ZNF487: variants seen among roughly 807,000 people sequenced by gnomAD.
ZNF487 encodes the protein zinc finger protein 487.
A neutral mutation model predicts 3.0 loss-of-function variants in ZNF487; 4 were observed. The observed-to-expected ratio is 1.35, with a 90% CI of 0.66 to 3.08. ZNF487 has a LOEUF of 3.08. ZNF487 is among the 30% of genes most tolerant of loss of function. ZNF487 has a pLI of 0.01. For missense variants in ZNF487, 146 were observed against 98.7 expected (o/e 1.48, Z -2.03); for synonymous variants, 55 against 34.6 (o/e 1.59, Z -2.06).
the ZNF487 span, among the ~76,000 whole-genome samples, chr10:43,496,740 C>T: frequency 1.3e-5 from 2 of 152,114 alleles, no homozygotes; most frequent in Non-Finnish European, 2.9e-5. Flanking sequence ...TGGTCAGGTT[C>T]TGGTGAGGGC....
chr10:43,511,945 C>G, the ZNF487 span, among the ~76,000 whole-genome samples: 2 of 152,158 alleles, frequency 1.3e-5, no homozygotes, highest in Non-Finnish European at 2.9e-5. Flanking sequence ...ATGCTTCTTC[C>G]AAGTCCCTGA....
chr10:43,441,361 G>A (rs1839602085), intron 1 of ZNF487, among the ~76,000 whole-genome samples: 1 of 151,962 alleles, frequency 6.6e-6, no homozygotes, highest in Non-Finnish European at 1.5e-5. Context: ...CGCCTCCCGG[G>A]TTCCAGCAAT....
intron 1 of ZNF487, among the ~76,000 whole-genome samples, chr10:43,438,625 G>A (rs1456811718): frequency 1.3e-5 from 2 of 151,162 alleles, no homozygotes; most frequent in African/African-American, 2.4e-5. Context: ...CCACTTCTGG[G>A]TCTGAATCCA....
chr10:43,515,053 C>A, the ZNF487 span, among the ~76,000 whole-genome samples: 2 of 152,230 alleles, frequency 1.3e-5, no homozygotes, highest in African/African-American at 4.8e-5. Context: ...TTTTAACTAC[C>A]CAAGTGGCAA....
chr10:43,478,938 G>T (rs1368421344), intron 3 of ZNF487, among the ~76,000 whole-genome samples: 1 of 146,282 alleles, frequency 6.8e-6, no homozygotes, highest in Non-Finnish European at 1.5e-5. Flanking sequence ...ATGGAGTCTC[G>T]CTTTGTCTTC....
At chr10:43,473,107 C>CACTTTTT (rs1272850639) in intron 1 of ZNF487, among the ~76,000 whole-genome samples, 1 of 141,276 alleles carries the variant, frequency 7.1e-6, no homozygotes, top group Non-Finnish European at 1.5e-5. Flanking sequence ...TATATTAGGA[C>CACTTTTT]ACTTTTTTTT....
In ZNF487 at chr10:43,481,928, A is replaced by T; in HGVS notation, c.*6A>T. Reference sequence around the variant, plus strand: ...GCTCATGGGAGACCCTGTGAATATAATGAACATGTGAGAGCCTTTTCCGAT... The same window carrying T: ...GCTCATGGGAGACCCTGTGAATATATTGAACATGTGAGAGCCTTTTCCGAT... On this transcript the variant is annotated 3_prime_UTR_variant, in exon 4 of 4. Coordinates refer to ENST00000437590, the MANE Select transcript of ZNF487 (RefSeq NM_001355444.3). 1.5e-6 allele frequency: 1 copy of T among 649,098 alleles called. No individual in the cohort carries two copies. 40.2% of individuals were successfully genotyped at this position (649,098 alleles called of 1,614,324 possible).
the ZNF487 span, among the ~76,000 whole-genome samples, chr10:43,512,235 T>C: frequency 6.6e-6 from 1 of 152,166 alleles, no homozygotes; most frequent in Non-Finnish European, 1.5e-5. Context: ...GAACTCCCCA[T>C]GAGGCCATCG....
the ZNF487 span, among the ~76,000 whole-genome samples, chr10:43,503,813 G>T: frequency 6.6e-6 from 1 of 152,072 alleles, no homozygotes; most frequent in East Asian, 1.9e-4. Context: ...TCACCATGTT[G>T]CCCAGGCTGG....
At chr10:43,514,522 C>T in the ZNF487 span, among the ~76,000 whole-genome samples, 2 of 152,190 alleles carry the variant, frequency 1.3e-5, no homozygotes, top group Admixed American at 6.5e-5. Flanking sequence ...AGTAGGAATG[C>T]AGTAGGCTTC....
At chr10:43,493,884 G>C in the ZNF487 span, among the ~76,000 whole-genome samples, 2 of 150,726 alleles carry the variant, frequency 1.3e-5, no homozygotes, top group African/African-American at 4.9e-5. Flanking sequence ...AGCTAAAATA[G>C]GCCAGGCGCG....
the ZNF487 span, among the ~76,000 whole-genome samples, chr10:43,514,847 A>G: frequency 1.3e-5 from 2 of 152,298 alleles, no homozygotes; most frequent in Non-Finnish European, 2.9e-5. Context: ...GGTCAAGGGT[A>G]TATCTTCTGG....
chr10:43,443,772 A>G lies in ZNF487; in HGVS notation c.-94+6510A>G, dbSNP rs546411144. On this transcript the variant is annotated intron_variant, in intron 1 of 3. Transcript: ENST00000437590. ...TCCTAGCCTCAAGCAATTCCCCCCA[A>G]CTCAGCCTCCCAAAGTGTTGGGAGT... Among the ~76,000 whole-genome samples the G allele has an allele frequency of 2.4e-4, 36 of 148,162 alleles. No homozygotes were observed. The South Asian group carries it at 5.4e-3, about 22-fold the overall frequency.
intron 1 of ZNF487, among the ~76,000 whole-genome samples, chr10:43,471,575 G>A (rs1025125264): frequency 2.6e-5 from 4 of 152,176 alleles, no homozygotes; most frequent in Non-Finnish European, 5.9e-5. Context: ...CAAACTGAAG[G>A]ATGGTGAAGT....
chr10:43,490,351 C>CAAACA, the ZNF487 span, among the ~76,000 whole-genome samples: 2 of 151,878 alleles, frequency 1.3e-5, no homozygotes, highest in African/African-American at 4.8e-5. Context: ...GACCCTGCCT[C>CAAACA]AAACAAAACA....
At chr10:43,523,713 T>C in the ZNF487 span, 1 of 152,476 alleles carries the variant, frequency 6.6e-6, no homozygotes, top group Non-Finnish European at 1.5e-5. Flanking sequence ...GAGAGTGTGC[T>C]TCTGGGAGAA....
the ZNF487 span, among the ~76,000 whole-genome samples, chr10:43,515,482 AT>A: frequency 6.6e-6 from 1 of 152,222 alleles, no homozygotes; most frequent in Admixed American, 6.5e-5. Context: ...AAAAAGATTC[AT>A]CAGAGTTTAC....
At chr10:43,493,708 AAATATATATATATATATATAT>A in the ZNF487 span, among the ~76,000 whole-genome samples, 1 of 44,032 alleles carries the variant, frequency 2.3e-5, no homozygotes, top group Admixed American at 3.3e-4. Context: ...AAAAAAAAAA[AAATATATATATATATATATAT>A]ATATATATAT....
the ZNF487 span, among the ~76,000 whole-genome samples, chr10:43,494,233 A>T: frequency 0.13 from 19,093 of 152,038 alleles, 2,568 homozygotes; most frequent in African/African-American, 0.34. Context: ...CAAACACACA[A>T]GCTTGTGTTC....
Sources: allele counts gnomAD v4.1 joint callset (sites outside exome capture counted in the v4.1 genomes callset), GRCh38; gene constraint gnomAD v4.1.1; transcripts MANE v1.5; gene names NCBI Gene and HGNC (gene_info 2026-07-23, HGNC 2026-07-21).